Variants in NOP58 observed in about 807,000 individuals in gnomAD.
NOP58 encodes the protein nucleolar protein 58.
NOP58 carries 44 observed loss-of-function variants against 71.2 expected under a neutral mutation model. The observed-to-expected ratio is 0.62, with a 90% CI of 0.49 to 0.79. NOP58 has a LOEUF of 0.79. Ranked by LOEUF, NOP58 falls within the 30% of genes least tolerant of loss-of-function variation. NOP58 has a pLI of 0.00. For missense variants in NOP58, 538 were observed against 620.2 expected, an observed-to-expected ratio of 0.87 and a Z score of 1.41; for synonymous variants, 228 against 200.3, an observed-to-expected ratio of 1.14 and a Z score of -1.17.
intron 3 of NOP58, chr2:202,278,250 G>A (rs747980746): frequency 1.7e-6 from 1 of 592,406 alleles, no homozygotes; most frequent in East Asian, 3.7e-5. Context: ...GTGAGAAGTG[G>A]TTAAGTTGAT....
In NOP58 at chr2:202,288,021, G is replaced by T. The variant is rs145018990; in HGVS notation, c.499+297G>T. On this transcript the variant is annotated intron_variant, in intron 6 of 14. Transcript: ENST00000264279. ...CCCAGCTACTCAGGAGGCTGAGGCA[G>T]GATAATTGCTTGAACCCAGGAGGCG... 3.2e-4 allele frequency among the ~76,000 whole-genome samples: 48 copies of T among 152,306 alleles called. 1 individual carries two copies. Among genetic ancestry groups the T allele is most frequent in the Admixed American group, 7.2e-4 (11 of 15,294 alleles).
At chr2:202,267,014 T>C (rs1688428247) in intron 1 of NOP58, among the ~76,000 whole-genome samples, 1 of 151,600 alleles carries the variant, frequency 6.6e-6, no homozygotes, top group Non-Finnish European at 1.5e-5. Context: ...CAGTTTGAGG[T>C]TTGGTTGTTT....
chr2:202,290,312 A>G lies in NOP58; in HGVS notation c.500-11A>G. The stretch of plus-strand genomic sequence containing the variant: ...TTTAAGTTTTGTTTGTTTGTTTTTA[A>G]TCTACTACAGCCTTGTTAGATGACT... On this transcript the variant is annotated splice_polypyrimidine_tract_variant and intron_variant, in intron 6 of 14. Transcript: ENST00000264279. 1 of 1,578,264 alleles carries G rather than the reference A, an allele frequency of 6.3e-7. No individual in the cohort carries two copies. The highest frequency in any genetic ancestry group is 8.6e-7 in the Non-Finnish European group (1 of 1,163,810).
intron 13 of NOP58, among the ~76,000 whole-genome samples, chr2:202,300,790 C>T (rs1053254282): frequency 6.6e-6 from 1 of 152,102 alleles, no homozygotes; most frequent in South Asian, 2.1e-4. Flanking sequence ...GGTAGCCTGC[C>T]GTCATAGTTA....
chr2:202,297,715 A>G (rs1218665836), intron 11 of NOP58, 130 bp from the exon 12 acceptor site: 4 of 807,454 alleles, frequency 5.0e-6, no homozygotes, highest in Non-Finnish European at 7.7e-6. Flanking sequence ...AGGATATGCT[A>G]TTCAAAATAA....
chr2:202,273,201 A>C (rs1371542930), intron 1 of NOP58, among the ~76,000 whole-genome samples: 1 of 152,246 alleles, frequency 6.6e-6, no homozygotes, highest in African/African-American at 2.4e-5. Context: ...AAATGTGATA[A>C]AATCAGGGCA....
intron 3 of NOP58, among the ~76,000 whole-genome samples, chr2:202,278,906 AGG>A (rs1688653903): frequency 6.6e-6 from 1 of 152,176 alleles, no homozygotes; most frequent in African/African-American, 2.4e-5. Context: ...ACCTTGGCAG[AGG>A]GGTAGGCTGA....
At position 202,297,394 on chromosome 2, in the gene NOP58, G is replaced by A. The variant is rs748900199; in HGVS notation, c.1087G>A (p.Ala363Thr). ...KHKGKISRML[A>T]AKTVLAIRYD... The stretch of plus-strand genomic sequence containing the variant: ...TTTCTATTAGATTTCTCGAATGCTG[G>A]CAGCCAAAACCGTTTTGGCTATCCG... Residue 363 changes from alanine to threonine, a missense_variant, in exon 11 of 15, where the codon GCA becomes ACA. Coordinates refer to ENST00000264279, the MANE Select transcript of NOP58 (RefSeq NM_015934.5). 6.2e-7 allele frequency: 1 copy of A among 1,611,808 alleles called. No individual in the cohort carries two copies. The highest frequency in any genetic ancestry group is 1.1e-5 in the South Asian group (1 of 90,696).
chr2:202,298,815 G>C (rs1188888675), intron 12 of NOP58, among the ~76,000 whole-genome samples: 1 of 152,130 alleles, frequency 6.6e-6, no homozygotes, highest in African/African-American at 2.4e-5. Flanking sequence ...CTCAATGCTG[G>C]TGAGGTTGTG....
intron 9 of NOP58, 97 bp downstream of exon 9, chr2:202,293,000 T>A: frequency 7.6e-7 from 1 of 1,311,138 alleles, no homozygotes. Context: ...TAAAGAAATT[T>A]TAGCTGATAA....
At chr2:202,290,508 G>T in intron 7 of NOP58, 51 bp downstream of exon 7, 1 of 1,504,778 alleles carries the variant, frequency 6.6e-7, no homozygotes, top group Non-Finnish European at 9.0e-7. Flanking sequence ...GAATTTGATT[G>T]CATCCTAAAA....
At chr2:202,296,727 T>TTGTTTGA (rs965301962) in intron 10 of NOP58, among the ~76,000 whole-genome samples, 22 of 150,456 alleles carry the variant, frequency 1.5e-4, no homozygotes, top group African/African-American at 5.4e-4. Context: ...TTTTGTTTGT[T>TTGTTTGA]TGTTTGTTTG....
chr2:202,287,327 A>G (rs535301186), intron 5 of NOP58, among the ~76,000 whole-genome samples: 6 of 152,250 alleles, frequency 3.9e-5, no homozygotes, highest in South Asian at 2.1e-4. Flanking sequence ...CGGCCTCCCA[A>G]AGTGCTAGGA....
rs1689065530 is a variant in NOP58, at chr2:202,300,090, C to T, written c.1269-144C>T. 7.4e-6 allele frequency: 5 copies of T among 677,428 alleles called. 1 individual carries two copies. The highest frequency in any genetic ancestry group is 7.4e-6 in the Non-Finnish European group (3 of 402,686). 42.0% of individuals were successfully genotyped at this position (677,428 alleles called of 1,614,324 possible). A position where few individuals can be genotyped will look rare whatever the true frequency, so the allele number is the denominator to read the frequency against. On this transcript the variant is annotated intron_variant, in intron 12 of 14. Coordinates refer to ENST00000264279, the MANE Select transcript of NOP58 (RefSeq NM_015934.5). The stretch of plus-strand genomic sequence containing the variant: ...TTAACTTTTGGAAACTATTAGTCTT[C>T]ATAAACTACCCCAAAGCCACTAAAA...
chr2:202,292,145 C>T (rs554684480), intron 8 of NOP58, among the ~76,000 whole-genome samples: 105 of 150,854 alleles, frequency 7.0e-4, no homozygotes, highest in African/African-American at 2.1e-3. Flanking sequence ...AAGCACGTGC[C>T]ACCATGCCCA....
intron 3 of NOP58, among the ~76,000 whole-genome samples, chr2:202,281,295 T>G (rs1243696297): frequency 1.3e-5 from 2 of 151,822 alleles, no homozygotes; most frequent in African/African-American, 4.8e-5. Flanking sequence ...GCCAGCTAAT[T>G]TTTGTATTTT....
In NOP58 at chr2:202,295,849, G is replaced by T; in HGVS notation, c.1071+12G>T. The T allele has an allele frequency of 2.6e-6, 4 of 1,521,068 alleles. No individual in the cohort carries two copies. The highest frequency in any genetic ancestry group is 1.3e-5 in the South Asian group (1 of 76,686). 94.2% of individuals were successfully genotyped at this position (1,521,068 alleles called of 1,614,324 possible). ...AACACAAAGGAAAGGTGTGTTATAG[G>T]GTTTTGCTTTGTTTTTGAGGTTAGA... On this transcript the variant is annotated intron_variant, in intron 10 of 14. Coordinates refer to ENST00000264279, the MANE Select transcript of NOP58 (RefSeq NM_015934.5).
intron 1 of NOP58, among the ~76,000 whole-genome samples, chr2:202,267,569 T>A (rs1688438812): frequency 6.6e-6 from 1 of 152,196 alleles, no homozygotes; most frequent in African/African-American, 2.4e-5. Flanking sequence ...CTTTTTGGAA[T>A]CTTATCTAAA....
intron 5 of NOP58, 26 bp downstream of exon 5, chr2:202,284,507 A>G (rs1688759177): frequency 1.9e-6 from 3 of 1,608,440 alleles, no homozygotes; most frequent in Non-Finnish European, 2.5e-6. Context: ...AAATAAAGTC[A>G]ACTTACTTTT....
Sources: allele counts gnomAD v4.1 joint callset (sites outside exome capture counted in the v4.1 genomes callset), GRCh38; gene constraint gnomAD v4.1.1; transcripts MANE v1.5; gene names NCBI Gene and HGNC (gene_info 2026-07-23, HGNC 2026-07-21).